Variants in FGB observed in about 807,000 individuals in gnomAD.
FGB encodes fibrinogen beta chain.
Under a neutral mutation model 57.9 loss-of-function variants are expected in FGB, and 25 were observed. The observed-to-expected ratio is 0.43, with a 90% CI of 0.31 to 0.60. FGB has a LOEUF of 0.60. Ranked by LOEUF, FGB falls within the 20% of genes least tolerant of loss-of-function variation. The probability of loss-of-function intolerance (pLI) is 0.08; values close to 1 mark genes in which losing one functional copy is unlikely to be tolerated. For synonymous variants in FGB, 203 were observed against 199.2 expected, an observed-to-expected ratio of 1.02 and a Z score of -0.16; for missense variants, 536 against 598.4, an observed-to-expected ratio of 0.90 and a Z score of 1.09.
intron 5 of FGB, among the ~76,000 whole-genome samples, 174 bp from the exon 6 acceptor site, chr4:154,569,008 T>C (rs1186768636): frequency 6.6e-6 from 1 of 152,206 alleles, no homozygotes; most frequent in East Asian, 1.9e-4. Flanking sequence ...ATAAAGCACT[T>C]GCAGTTTCCA....
At position 154,565,847 on chromosome 4, in the gene FGB, A is replaced by C. The variant is rs1310195626; in HGVS notation, c.154A>C (p.Lys52Gln). The C allele has an allele frequency of 1.2e-6, 2 of 1,614,190 alleles. No individual in the cohort carries two copies. The highest frequency in any genetic ancestry group is 1.1e-5 in the South Asian group (1 of 91,088). Residue 52 changes from lysine to glutamine, a missense_variant, in exon 2 of 8, where the codon AAG becomes CAG. Around this residue, in one of 3 missense-constraint regions of FGB, gnomAD observed 354 missense variants for 383.4 expected, o/e 0.92. Coordinates refer to ENST00000302068, the MANE Select transcript of FGB (RefSeq NM_005141.5). The part of the protein sequence containing the change: ...SARGHRPLDK[K>Q]REEAPSLRPA... Reference sequence around the variant, plus strand: ...CCGTGGTCATCGACCCCTTGACAAGAAGAGAGAAGAGGCTCCCAGCCTGAG... The same window carrying C: ...CCGTGGTCATCGACCCCTTGACAAGCAGAGAGAAGAGGCTCCCAGCCTGAG...
At chr4:154,568,322 C>T in intron 4 of FGB, 59 bp from the exon 5 acceptor site, 1 of 896,050 alleles carries the variant, frequency 1.1e-6, no homozygotes, top group Non-Finnish European at 1.9e-6. Flanking sequence ...GAATTGGTGA[C>T]TAAATACAAA....
In FGB at chr4:154,570,049, AT is replaced by A. The variant is rs1730353941; in HGVS notation, c.1244+253del. ...ACAACTACCCAGAGATAAAACTAGA[AT>A]TTGAGCACAGTTACTTTCTGAATAA... On this transcript the variant is annotated intron_variant, in intron 7 of 7. Transcript: ENST00000302068. Among the ~76,000 whole-genome samples, 4 of 152,348 alleles carry A rather than the reference AT, an allele frequency of 2.6e-5. No individual in the cohort carries two copies. The Middle Eastern group carries it at 0.014, about 518-fold the overall frequency.
At chr4:154,568,263 A>C in intron 4 of FGB, 118 bp from the exon 5 acceptor site, 1 of 712,456 alleles carries the variant, frequency 1.4e-6, no homozygotes, top group South Asian at 1.5e-5. Flanking sequence ...TTATTTTCAA[A>C]GGTCTATAAT....
At chr4:154,568,225 G>A (rs181620233) in intron 4 of FGB, among the ~76,000 whole-genome samples, 156 bp from the exon 5 acceptor site, 2 of 152,106 alleles carry the variant, frequency 1.3e-5, no homozygotes, top group Non-Finnish European at 2.9e-5. Flanking sequence ...ACTTACTAAA[G>A]TAAAATGAAA....
intron 7 of FGB, 132 bp downstream of exon 7, chr4:154,569,931 A>G (rs1336404440): frequency 2.3e-6 from 2 of 884,828 alleles, no homozygotes; most frequent in East Asian, 2.5e-5. Context: ...CTCTTTATGC[A>G]TCACTCGAAA....
intron 1 of FGB, chr4:154,565,517 G>A (rs909801472): frequency 1.4e-4 from 53 of 389,936 alleles, no homozygotes; most frequent in Middle Eastern, 7.5e-4. Context: ...AAGTTCCAAT[G>A]TATGTTTTAG....
At chr4:154,562,981 G>GAT, upstream of FGB, 4 of 1,015,874 alleles carry the variant, frequency 3.9e-6, no homozygotes, top group Middle Eastern at 4.1e-4. Flanking sequence ...AGAGGACTCA[G>GAT]ATATATATAG....
At position 154,572,422 on chromosome 4, in the gene FGB, G is replaced by A. The variant is rs913428649; in HGVS notation, c.*1772G>A. ...CAGTGGCAGTGGGCTGGACAGGACCGCTACTATTTGTAAAGAGTATGTAGT... is the reference window on the plus strand; with the variant it reads ...CAGTGGCAGTGGGCTGGACAGGACCACTACTATTTGTAAAGAGTATGTAGT... On this transcript the variant is annotated 3_prime_UTR_variant, in exon 8 of 8. Coordinates refer to ENST00000302068, the MANE Select transcript of FGB (RefSeq NM_005141.5). Among the ~76,000 whole-genome samples the A allele has an allele frequency of 1.1e-4, 17 of 152,114 alleles. No homozygotes were observed. Among genetic ancestry groups the A allele is most frequent in the Admixed American group, 1.0e-3 (16 of 15,278 alleles).
Position 154,571,919 on chromosome 4 carries a change from T to C in FGB, c.*1269T>C, listed in dbSNP as rs1730444500. Among the ~76,000 whole-genome samples, 1 of 152,198 alleles carries C rather than the reference T, an allele frequency of 6.6e-6. No individual in the cohort carries two copies. Among genetic ancestry groups the C allele is most frequent in the Non-Finnish European group, 1.5e-5 (1 of 68,030 alleles). On this transcript the variant is annotated 3_prime_UTR_variant, in exon 8 of 8. Coordinates refer to ENST00000302068, the MANE Select transcript of FGB (RefSeq NM_005141.5). ...AGCTCATTAATTTCTGTCTTGGAAATGCTACTACTCTCTTTAATTACTCAC... is the reference window on the plus strand; with the variant it reads ...AGCTCATTAATTTCTGTCTTGGAAACGCTACTACTCTCTTTAATTACTCAC...
chr4:154,570,718 T>C lies in FGB; in HGVS notation c.*68T>C. 8.2e-7 allele frequency: 1 copy of C among 1,217,246 alleles called. No homozygotes were observed. Among genetic ancestry groups the C allele is most frequent in the Non-Finnish European group, 1.2e-6 (1 of 828,212 alleles). The allele number at this position is 1,217,246 out of a possible 1,614,324, so 75.4% of individuals were successfully genotyped here. ...TTTTGTACATTATGTTATTGGAATT[T>C]TCTTTCATACATTATATTCCTCTAA... On this transcript the variant is annotated 3_prime_UTR_variant, in exon 8 of 8. Transcript: ENST00000302068.
At chr4:154,567,191 T>C (rs1412727594) in intron 3 of FGB, among the ~76,000 whole-genome samples, 4 of 152,178 alleles carry the variant, frequency 2.6e-5, no homozygotes, top group Non-Finnish European at 5.9e-5. Context: ...AAAGGAATCA[T>C]GACATCTTAT....
intron 3 of FGB, 122 bp downstream of exon 3, chr4:154,566,794 C>T (rs905998442): frequency 1.8e-5 from 17 of 922,902 alleles, no homozygotes; most frequent in Non-Finnish European, 2.9e-5. Flanking sequence ...CATTCATACG[C>T]TTTTGGGCAC....
intron 6 of FGB, 64 bp downstream of exon 6, chr4:154,569,371 A>T: frequency 6.2e-7 from 1 of 1,608,196 alleles, no homozygotes; most frequent in East Asian, 2.2e-5. Flanking sequence ...TAATTAAAAA[A>T]CATTCATTGT....
rs538812066 is a variant in FGB at position 154,572,580 on chromosome 4, A to C, written c.*1930A>C. 6.6e-6 allele frequency among the ~76,000 whole-genome samples: 1 copy of C among 152,332 alleles called. No homozygotes were observed. The highest frequency in any genetic ancestry group is 1.9e-4 in the East Asian group (1 of 5,186). On this transcript the variant is annotated 3_prime_UTR_variant, in exon 8 of 8. Coordinates refer to ENST00000302068, the MANE Select transcript of FGB (RefSeq NM_005141.5). ...GTTCAAGTGTCCTTCACAGATAAGA[A>C]GTGAATCTCTCTGGGTTGGCCATTC...
rs767029064 is a variant in FGB at position 154,572,724 on chromosome 4, C to T, written c.*2074C>T. ...TGTCATACAAAGTGTTTAACATATA[C>T]GATTTCATGATTTTGGAAATATGCA... On this transcript the variant is annotated 3_prime_UTR_variant, in exon 8 of 8. Coordinates refer to ENST00000302068, the MANE Select transcript of FGB (RefSeq NM_005141.5). 1.3e-5 allele frequency among the ~76,000 whole-genome samples: 2 copies of T among 152,066 alleles called. No individual in the cohort carries two copies. The highest frequency in any genetic ancestry group is 2.9e-5 in the Non-Finnish European group (2 of 68,008).
intron 1 of FGB, chr4:154,565,262 A>G: frequency 2.3e-6 from 1 of 427,792 alleles, no homozygotes; most frequent in Non-Finnish European, 4.8e-6. Context: ...GTCAAGACCT[A>G]CAAGTAGCCG....
intron 3 of FGB, among the ~76,000 whole-genome samples, chr4:154,566,903 T>C (rs1730185474): frequency 6.6e-6 from 1 of 152,208 alleles, no homozygotes; most frequent in Non-Finnish European, 1.5e-5. Context: ...TATGACTCCT[T>C]ATTTTAAGTA....
rs754198978 is a variant in FGB, at chr4:154,571,274, C to T, written c.*624C>T. Among the ~76,000 whole-genome samples, 50 of 152,008 alleles carry T rather than the reference C, an allele frequency of 3.3e-4. No homozygotes were observed. Among genetic ancestry groups the T allele is most frequent in the Non-Finnish European group, 5.6e-4 (38 of 67,966 alleles). On this transcript the variant is annotated 3_prime_UTR_variant, in exon 8 of 8. Transcript: ENST00000302068. ...ATCCCAACACTTTGGGAGGCTGAGGCGGGCGGTCACAAGGTCAGGAGTTCA... is the reference window on the plus strand; with the variant it reads ...ATCCCAACACTTTGGGAGGCTGAGGTGGGCGGTCACAAGGTCAGGAGTTCA...
Sources: gnomAD v4.1 joint callset for allele counts (sites outside exome capture counted in the v4.1 genomes callset) on GRCh38, gnomAD v4.1.1 for gene constraint, gnomAD v4.1.1 regional missense constraint, MANE v1.5 for transcripts, NCBI Gene and HGNC (gene_info 2026-07-23, HGNC 2026-07-21) for gene names.